The following TMEM108 variants were observed in gnomAD, a reference collection of about 807,000 sequenced individuals.
The protein encoded by TMEM108 is cancer/testis antigen 124.
TMEM108 carries 12 observed loss-of-function variants against 35.1 expected under a neutral mutation model. The ratio of observed to expected loss-of-function variants is 0.34; its 90% CI spans 0.22 to 0.55. The LOEUF is 0.55. Among genes scored for constraint, TMEM108 ranks in the 20% least tolerant of loss-of-function variants. TMEM108 has a pLI of 0.89. For missense variants in TMEM108, 680 were observed against 753.3 expected, an observed-to-expected ratio of 0.90 and a Z score of 1.14; for synonymous variants, 287 against 308.6, an observed-to-expected ratio of 0.93 and a Z score of 0.73.
intron 3 of TMEM108, among the ~76,000 whole-genome samples, chr3:133,278,244 C>G (rs958369134): frequency 1.3e-5 from 2 of 152,162 alleles, no homozygotes; most frequent in Non-Finnish European, 1.5e-5. Context: ...AGCAATGATG[C>G]TGAACTAGAA....
intron 2 of TMEM108, among the ~76,000 whole-genome samples, chr3:133,110,446 C>T (rs1944211443): frequency 1.3e-5 from 2 of 152,226 alleles, no homozygotes; most frequent in Non-Finnish European, 2.9e-5. Flanking sequence ...AAGAGGATTA[C>T]ATCCTCCATT....
rs372805777 is a variant in TMEM108, at chr3:133,051,362, G to T, written c.-47+5342G>T. Among the ~76,000 whole-genome samples the T allele has an allele frequency of 1.8e-3, 271 of 152,168 alleles. 1 individual carries two copies. Among genetic ancestry groups the T allele is most frequent in the African/African-American group, 6.0e-3 (248 of 41,558 alleles). On this transcript the variant is annotated intron_variant, in intron 2 of 5. Transcript: ENST00000321871. ...GGTCTTTGGACTATTTTTTACTCAG[G>T]TTGTTTTCTTACTGTCGACTTTTAA...
At chr3:133,118,465 G>T (rs1373089858) in intron 2 of TMEM108, among the ~76,000 whole-genome samples, 2 of 152,098 alleles carry the variant, frequency 1.3e-5, no homozygotes, top group East Asian at 3.8e-4. Context: ...TTAAGCATTT[G>T]TCTTAAGTTT....
chr3:133,046,107 C>T (rs1413035635), intron 2 of TMEM108, 87 bp downstream of exon 2: 2 of 152,610 alleles, frequency 1.3e-5, no homozygotes, highest in Non-Finnish European at 2.9e-5. Flanking sequence ...GGAGTCAGTG[C>T]AATATGATGC....
rs1185326131 is a variant in TMEM108 at position 133,043,522 on chromosome 3, T to C, written c.-165-2380T>C. Among the ~76,000 whole-genome samples, 5 of 152,324 alleles carry C rather than the reference T, an allele frequency of 3.3e-5. No individual in the cohort carries two copies. In the East Asian group the frequency reaches 9.6e-4, roughly 29 times the overall value. On this transcript the variant is annotated intron_variant, in intron 1 of 5. Transcript: ENST00000321871. The stretch of plus-strand genomic sequence containing the variant: ...TGCGAGTATTGATTTCCATTTATCA[T>C]TCCTTCCTCAATAAGTACTCTTTCC...
chr3:133,373,447 G>A (rs1330680363), intron 3 of TMEM108, among the ~76,000 whole-genome samples: 2 of 149,600 alleles, frequency 1.3e-5, no homozygotes, highest in East Asian at 2.0e-4. Flanking sequence ...GATAGATACA[G>A]TATGAGTTTG....
At chr3:133,148,057 A>G (rs1310962160) in intron 2 of TMEM108, among the ~76,000 whole-genome samples, 1 of 152,234 alleles carries the variant, frequency 6.6e-6, no homozygotes, top group African/African-American at 2.4e-5. Flanking sequence ...AGAAAAACAG[A>G]TATCTCTGTA....
intron 2 of TMEM108, among the ~76,000 whole-genome samples, chr3:133,113,517 A>G (rs995809003): frequency 2.0e-5 from 3 of 152,174 alleles, no homozygotes; most frequent in African/African-American, 7.2e-5. Context: ...GCATGTTTAT[A>G]TCATATGTCT....
At chr3:133,267,039 C>T (rs1400710070) in intron 3 of TMEM108, among the ~76,000 whole-genome samples, 1 of 150,440 alleles carries the variant, frequency 6.6e-6, no homozygotes, top group Non-Finnish European at 1.5e-5. Context: ...CGAGATCGCG[C>T]CACTGCACTC....
intron 2 of TMEM108, among the ~76,000 whole-genome samples, chr3:133,172,327 A>C (rs1019384475): frequency 2.6e-5 from 4 of 152,230 alleles, no homozygotes; most frequent in African/African-American, 9.6e-5. Context: ...TTACAAGGCT[A>C]ATATTTATGA....
intron 2 of TMEM108, among the ~76,000 whole-genome samples, chr3:133,135,992 G>T (rs1230345226): frequency 2.0e-5 from 3 of 152,158 alleles, no homozygotes; most frequent in Non-Finnish European, 2.9e-5. Context: ...TATGTGCTGA[G>T]AACTCTGCGA....
intron 4 of TMEM108, chr3:133,389,138 G>A (rs1469978599): frequency 2.0e-6 from 2 of 985,782 alleles, no homozygotes; most frequent in Non-Finnish European, 2.4e-6. Context: ...CCCTTCTGCA[G>A]TGTGAATCTG....
intron 3 of TMEM108, among the ~76,000 whole-genome samples, chr3:133,251,115 A>G (rs547769888): frequency 2.0e-5 from 3 of 152,328 alleles, no homozygotes; most frequent in Admixed American, 6.5e-5. Flanking sequence ...GTCATTCTGT[A>G]ACCCAAAGGG....
intron 2 of TMEM108, among the ~76,000 whole-genome samples, chr3:133,142,197 A>G (rs1944651127): frequency 6.6e-6 from 1 of 152,176 alleles, no homozygotes; most frequent in South Asian, 2.1e-4. Context: ...GTCCTTAAGG[A>G]ATTCACAAAC....
intron 2 of TMEM108, among the ~76,000 whole-genome samples, chr3:133,147,721 A>G (rs1944742235): frequency 6.6e-6 from 1 of 152,192 alleles, no homozygotes; most frequent in African/African-American, 2.4e-5. Context: ...AATCTCAATG[A>G]CCACATCAGT....
chr3:133,192,555 G>A (rs981995268), intron 2 of TMEM108, among the ~76,000 whole-genome samples: 1 of 152,118 alleles, frequency 6.6e-6, no homozygotes, highest in Non-Finnish European at 1.5e-5. Context: ...GTGGAGTGAG[G>A]AGAAATGCAT....
chr3:133,141,029 G>T (rs1014039262), intron 2 of TMEM108, among the ~76,000 whole-genome samples: 2 of 152,058 alleles, frequency 1.3e-5, no homozygotes, highest in Non-Finnish European at 1.5e-5. Flanking sequence ...AAAAGGATCC[G>T]GCCTACCAAA....
intron 2 of TMEM108, chr3:133,119,203 T>A (rs1318813407): frequency 6.8e-6 from 1 of 146,452 alleles, no homozygotes; most frequent in Non-Finnish European, 1.5e-5. Flanking sequence ...TATCAAAGAA[T>A]ACCAGATAGG....
At chr3:133,349,634 C>T (rs946681529) in intron 3 of TMEM108, among the ~76,000 whole-genome samples, 7 of 151,660 alleles carry the variant, frequency 4.6e-5, no homozygotes, top group South Asian at 2.1e-4. Flanking sequence ...AAAAGACCTT[C>T]ACAGACATTT....
Sources: allele counts gnomAD v4.1 joint callset (sites outside exome capture counted in the v4.1 genomes callset), GRCh38; gene constraint gnomAD v4.1.1; transcripts MANE v1.5; gene names NCBI Gene and HGNC (gene_info 2026-07-23, HGNC 2026-07-21).